Variants in RBM33 observed in about 807,000 individuals in gnomAD.
RBM33 encodes RNA-binding protein 33.
RBM33 carries 28 observed loss-of-function variants against 132.6 expected under a neutral mutation model. The observed-to-expected ratio is 0.21, with a 90% CI of 0.16 to 0.29. The LOEUF (loss-of-function observed/expected upper bound fraction) is 0.29. Ranked by LOEUF, RBM33 falls within the 10% of genes least tolerant of loss-of-function variation. RBM33 has a pLI of 1.00. For missense variants in RBM33, 1,291 were observed against 1,518.5 expected (o/e 0.85, Z 2.49); for synonymous variants, 634 against 593.0 (o/e 1.07, Z -1.01).
intron 5 of RBM33, among the ~76,000 whole-genome samples, chr7:155,697,461 T>C (rs1799827071): frequency 6.6e-6 from 1 of 152,228 alleles, no homozygotes; most frequent in Admixed American, 6.5e-5. Context: ...GTTGGTAGAA[T>C]GACTTTCATT....
At chr7:155,707,645 A>G (rs1284192853) in intron 7 of RBM33, among the ~76,000 whole-genome samples, 5 of 152,192 alleles carry the variant, frequency 3.3e-5, no homozygotes, top group Middle Eastern at 3.4e-3. Context: ...GACAGAAATT[A>G]TTGATTTTTT....
chr7:155,735,196 G>A (rs1406001143), intron 9 of RBM33, among the ~76,000 whole-genome samples: 2 of 152,122 alleles, frequency 1.3e-5, no homozygotes, highest in Non-Finnish European at 2.9e-5. Context: ...TTATTTTGGA[G>A]GAGATATATT....
At chr7:155,756,921 A>G (rs1057121546) in intron 14 of RBM33, among the ~76,000 whole-genome samples, 5 of 152,178 alleles carry the variant, frequency 3.3e-5, no homozygotes, top group African/African-American at 1.2e-4. Flanking sequence ...TGGCTAAAAT[A>G]GGACTTGTCA....
chr7:155,761,496 C>T lies in RBM33; in HGVS notation c.2980-2316C>T, dbSNP rs368923255. 7.2e-5 allele frequency among the ~76,000 whole-genome samples: 11 copies of T among 152,154 alleles called. No homozygotes were observed. The East Asian group carries it at 1.5e-3, about 21-fold the overall frequency. ...TGTCTTTACTTCTTAGAGTTCTATT[C>T]GTATTTTCTCTTTCGGTCAGTTTTG... On this transcript the variant is annotated intron_variant, in intron 14 of 17. Transcript: ENST00000401878.
At chr7:155,769,437 C>T (rs1043868752) in intron 16 of RBM33, among the ~76,000 whole-genome samples, 4 of 152,204 alleles carry the variant, frequency 2.6e-5, no homozygotes, top group Non-Finnish European at 5.9e-5. Flanking sequence ...GGGCTGCCGT[C>T]CCCCAGAGGC....
At chr7:155,693,840 A>T (rs1269864493) in intron 5 of RBM33, among the ~76,000 whole-genome samples, 1 of 152,114 alleles carries the variant, frequency 6.6e-6, no homozygotes, top group Non-Finnish European at 1.5e-5. Flanking sequence ...CTAGTATTTC[A>T]ACTTTTGTAG....
intron 14 of RBM33, 43 bp from the exon 15 acceptor site, chr7:155,763,768 TG>T: frequency 6.4e-7 from 1 of 1,560,808 alleles, no homozygotes; most frequent in Admixed American, 1.9e-5. Flanking sequence ...GAGCTTTTGG[TG>T]GAGCAGACAC....
In RBM33 at chr7:155,739,756, G is replaced by GCCTCAGCAA. The variant is rs1213235069; in HGVS notation, c.1790_1798dup (p.Pro597_Gln599dup). Reference sequence around the variant, plus strand: ...CATTGCCCCCTCCGCATCAGCCTCAGCCTCAGCAACCTCAGCAACAGCCCC... The same window carrying GCCTCAGCAA: ...CATTGCCCCCTCCGCATCAGCCTCAGCCTCAGCAACCTCAGCAACCTCAGCAACAGCCCC... On this transcript the variant is annotated inframe_insertion, in exon 12 of 18. Transcript: ENST00000401878. 42 of 1,547,036 alleles carry GCCTCAGCAA rather than the reference G, an allele frequency of 2.7e-5. No individual in the cohort carries two copies. The Admixed American group carries it at 3.7e-4, about 14-fold the overall frequency.
intron 1 of RBM33, among the ~76,000 whole-genome samples, chr7:155,657,512 T>G (rs1485636252): frequency 1.3e-5 from 2 of 152,188 alleles, no homozygotes; most frequent in Admixed American, 6.5e-5. Flanking sequence ...TTTTCGTTTT[T>G]TCTTATTTTG....
intron 13 of RBM33, 88 bp from the exon 14 acceptor site, chr7:155,744,873 T>G: frequency 8.0e-7 from 1 of 1,256,986 alleles, no homozygotes; most frequent in Non-Finnish European, 1.1e-6. Context: ...AAAGGACTTG[T>G]GGTAAATGTG....
chr7:155,673,940 G>GTTGTTGTTTGTTTTTTTTTTTGTTTTTTT, intron 3 of RBM33, among the ~76,000 whole-genome samples: 1 of 54,214 alleles, frequency 1.8e-5, no homozygotes, highest in African/African-American at 8.3e-5. Context: ...TTTAGGCTTA[G>GTTGTTGTTTGTTTTTTTTTTTGTTTTTTT]TTTTTTTTTT....
chr7:155,740,523 T>C (rs962925587), intron 12 of RBM33, among the ~76,000 whole-genome samples: 7 of 152,252 alleles, frequency 4.6e-5, no homozygotes, highest in African/African-American at 1.7e-4. Flanking sequence ...ACAAATTCTT[T>C]TCCTTCAAGG....
chr7:155,717,930 T>C (rs1025433540), intron 8 of RBM33, among the ~76,000 whole-genome samples: 1 of 152,208 alleles, frequency 6.6e-6, no homozygotes, highest in Admixed American at 6.5e-5. Context: ...TGTGCTGTTT[T>C]CCTTTCTCTG....
chr7:155,711,139 G>C (rs1460496853), intron 7 of RBM33, 64 bp from the exon 8 acceptor site: 2 of 1,435,630 alleles, frequency 1.4e-6, no homozygotes, highest in African/African-American at 1.5e-5. Flanking sequence ...TGTTGATTTC[G>C]GTGAACTTTT....
At chr7:155,720,673 A>G (rs1404513512) in intron 9 of RBM33, among the ~76,000 whole-genome samples, 2 of 152,224 alleles carry the variant, frequency 1.3e-5, no homozygotes, top group African/African-American at 4.8e-5. Flanking sequence ...ATGTCCTTGA[A>G]GCTAATTTTC....
intron 6 of RBM33, among the ~76,000 whole-genome samples, chr7:155,704,507 C>T (rs939947451): frequency 6.6e-6 from 1 of 152,140 alleles, no homozygotes; most frequent in Non-Finnish European, 1.5e-5. Flanking sequence ...TGCCAGTCGC[C>T]ATTTCTGAAG....
intron 16 of RBM33, among the ~76,000 whole-genome samples, chr7:155,769,198 C>T (rs1213517362): frequency 2.0e-5 from 3 of 152,070 alleles, no homozygotes; most frequent in African/African-American, 7.2e-5. Context: ...CTTGATTCTT[C>T]GAAGACTAGA....
intron 8 of RBM33, among the ~76,000 whole-genome samples, chr7:155,713,085 G>T (rs987492924): frequency 1.3e-5 from 2 of 152,148 alleles, no homozygotes; most frequent in East Asian, 3.9e-4. Context: ...TGATGGATTG[G>T]ATGAGTGTGA....
intron 8 of RBM33, among the ~76,000 whole-genome samples, chr7:155,712,506 T>C (rs531515530): frequency 6.6e-6 from 1 of 152,338 alleles, no homozygotes; most frequent in South Asian, 2.1e-4. Context: ...TGTGGCATGT[T>C]AGAAGATGAA....
Sources: gnomAD v4.1 joint callset for allele counts (sites outside exome capture counted in the v4.1 genomes callset) on GRCh38, gnomAD v4.1.1 for gene constraint, MANE v1.5 for transcripts, NCBI Gene and HGNC (gene_info 2026-07-23, HGNC 2026-07-21) for gene names.